Variants in CNTNAP4 observed in about 807,000 individuals in gnomAD.
CNTNAP4 encodes the protein contactin-associated protein-like 4.
CNTNAP4 carries 98 observed loss-of-function variants against 148.4 expected under a neutral mutation model. The observed-to-expected ratio is 0.66, with a 90% CI of 0.56 to 0.78. The LOEUF (loss-of-function observed/expected upper bound fraction) is 0.78. Ranked by LOEUF, CNTNAP4 falls within the 30% of genes least tolerant of loss-of-function variation. The pLI, the probability that CNTNAP4 is intolerant of heterozygous loss-of-function variation, is 0.00. For synonymous variants in CNTNAP4, 730 were observed against 565.1 expected (o/e 1.29, Z -4.14); for missense variants, 1,935 against 1,565.6 (o/e 1.24, Z -3.98).
Position 76,514,820 on chromosome 16 carries a change from A to G in CNTNAP4, c.2366-6320A>G, listed in dbSNP as rs952349214. On this transcript the variant is annotated intron_variant, in intron 15 of 23. Coordinates refer to ENST00000611870, the MANE Select transcript of CNTNAP4 (RefSeq NM_033401.5). ...GGTTATTGTGTTCTGATAATATAAC[A>G]TATAATTTAATCTTAGAATTTTATT... Among the ~76,000 whole-genome samples the G allele has an allele frequency of 2.6e-5, 4 of 152,252 alleles. No individual in the cohort carries two copies. In the South Asian group the frequency reaches 6.2e-4, roughly 24 times the overall value.
intron 3 of CNTNAP4, among the ~76,000 whole-genome samples, chr16:76,366,190 G>A (rs1459906757): frequency 2.0e-5 from 3 of 152,030 alleles, no homozygotes; most frequent in Non-Finnish European, 4.4e-5. Context: ...CAGGTTTGTT[G>A]TATAGTTAAA....
chr16:76,332,946 G>C (rs1358295313), intron 2 of CNTNAP4, among the ~76,000 whole-genome samples: 2 of 152,140 alleles, frequency 1.3e-5, no homozygotes. Context: ...GTCAGGTGAC[G>C]GACTGACCAG....
chr16:76,463,202 T>C (rs1428624059), intron 9 of CNTNAP4, among the ~76,000 whole-genome samples: 1 of 152,194 alleles, frequency 6.6e-6, no homozygotes, highest in Non-Finnish European at 1.5e-5. Flanking sequence ...ATTCTTTTAA[T>C]AAATAGTAAG....
chr16:76,291,347 C>T (rs538881817), intron 1 of CNTNAP4, among the ~76,000 whole-genome samples: 1 of 152,148 alleles, frequency 6.6e-6, no homozygotes, highest in Non-Finnish European at 1.5e-5. Flanking sequence ...CATTCTCATC[C>T]ATCAGCCACC....
chr16:76,528,030 C>T (rs948757669), intron 17 of CNTNAP4, among the ~76,000 whole-genome samples: 1 of 151,780 alleles, frequency 6.6e-6, no homozygotes, highest in Non-Finnish European at 1.5e-5. Context: ...TTTGGTAGAA[C>T]CCTATTGTGG....
chr16:76,417,333 T>A (rs1483886288), intron 3 of CNTNAP4, among the ~76,000 whole-genome samples: 3 of 151,466 alleles, frequency 2.0e-5, no homozygotes, highest in Non-Finnish European at 4.4e-5. Context: ...TTTTTATGAT[T>A]CTATTTTATC....
intron 9 of CNTNAP4, among the ~76,000 whole-genome samples, chr16:76,465,618 T>G (rs4519357): frequency 0.95 from 144,731 of 152,228 alleles, 69,062 homozygotes; most frequent in East Asian, 1. Flanking sequence ...AAAATATTAT[T>G]GAACTATTAT....
chr16:76,311,656 A>G (rs1961127024), intron 1 of CNTNAP4, among the ~76,000 whole-genome samples: 1 of 152,248 alleles, frequency 6.6e-6, no homozygotes, highest in African/African-American at 2.4e-5. Context: ...ATGTTGGATA[A>G]GCATGGAGTA....
intron 15 of CNTNAP4, among the ~76,000 whole-genome samples, chr16:76,500,393 C>A (rs1214619312): frequency 6.6e-6 from 1 of 152,232 alleles, no homozygotes; most frequent in Non-Finnish European, 1.5e-5. Context: ...GAGAAAGAAA[C>A]CACTGGGCAT....
chr16:76,532,245 A>G (rs1471658771), intron 17 of CNTNAP4, among the ~76,000 whole-genome samples: 1 of 152,210 alleles, frequency 6.6e-6, no homozygotes, highest in Non-Finnish European at 1.5e-5. Flanking sequence ...TTTACCAGAT[A>G]GTGGTGTGAA....
intron 1 of CNTNAP4, among the ~76,000 whole-genome samples, chr16:76,298,663 T>A (rs1432051861): frequency 6.6e-6 from 1 of 151,968 alleles, no homozygotes; most frequent in African/African-American, 2.4e-5. Flanking sequence ...AGTAATGGGG[T>A]GGCTGCAGCC....
intron 4 of CNTNAP4, among the ~76,000 whole-genome samples, chr16:76,439,976 A>T (rs1239136988): frequency 2.6e-5 from 4 of 152,268 alleles, no homozygotes; most frequent in South Asian, 4.1e-4. Flanking sequence ...ATATTTCACT[A>T]TATAATAGTT....
chr16:76,343,557 G>T (rs1005738140), intron 2 of CNTNAP4, among the ~76,000 whole-genome samples: 5 of 152,032 alleles, frequency 3.3e-5, no homozygotes, highest in African/African-American at 1.2e-4. Flanking sequence ...TAAATCTCGG[G>T]TTAGGAGATA....
chr16:76,292,694 C>A (rs1438908778), intron 1 of CNTNAP4, among the ~76,000 whole-genome samples: 1 of 149,210 alleles, frequency 6.7e-6, no homozygotes, highest in African/African-American at 2.5e-5. Context: ...TTTCTGTCTT[C>A]CTTATCAAAA....
chr16:76,458,672 G>C (rs1409186590), intron 8 of CNTNAP4, among the ~76,000 whole-genome samples: 1 of 152,152 alleles, frequency 6.6e-6, no homozygotes, highest in Non-Finnish European at 1.5e-5. Context: ...TAATGCAAGT[G>C]ATAGGAGCAG....
intron 2 of CNTNAP4, among the ~76,000 whole-genome samples, chr16:76,319,685 C>T (rs1270204750): frequency 6.6e-6 from 1 of 152,004 alleles, no homozygotes; most frequent in South Asian, 2.1e-4. Flanking sequence ...ACAGGAAAGA[C>T]AGAGTAGACC....
chr16:76,522,694 TTC>T lies in CNTNAP4; in HGVS notation c.2755+439_2755+440del, dbSNP rs752685186. ...TCTTTCTCTCTTTCTCTCCTTTCTT[TTC>T]TTTTCTTTTCTTTTCTTTTCTTTTC... is the stretch of plus-strand genomic sequence containing the variant. On this transcript the variant is annotated intron_variant, in intron 17 of 23. Coordinates refer to ENST00000611870, the MANE Select transcript of CNTNAP4 (RefSeq NM_033401.5). 3.5e-4 allele frequency among the ~76,000 whole-genome samples: 6 copies of T among 17,320 alleles called. 1 individual carries two copies. Among genetic ancestry groups the T allele is most frequent in the Admixed American group, 1.9e-3 (3 of 1,598 alleles). 11.4% of individuals were successfully genotyped at this position (17,320 alleles called of 152,430 possible). A position where few individuals can be genotyped will look rare whatever the true frequency, so the allele number is the denominator to read the frequency against.
rs569256899 is a variant in CNTNAP4, at chr16:76,316,299, A to G, written c.86-114A>G. 8.5e-5 allele frequency: 63 copies of G among 738,728 alleles called. No homozygotes were observed. The African/African-American group carries it at 1.1e-3, about 12-fold the overall frequency. The allele number at this position is 738,728 out of a possible 1,614,324, so 45.8% of individuals were successfully genotyped here. A position where few individuals can be genotyped will look rare whatever the true frequency, so the allele number is the denominator to read the frequency against. On this transcript the variant is annotated intron_variant, in intron 1 of 23. Coordinates refer to ENST00000611870, the MANE Select transcript of CNTNAP4 (RefSeq NM_033401.5). ...GGAAGTAGTAGGCATATTTTTAGAGATCTTAGATCCTAGTTTTTGATGTTG... is the reference window on the plus strand; with the variant it reads ...GGAAGTAGTAGGCATATTTTTAGAGGTCTTAGATCCTAGTTTTTGATGTTG...
chr16:76,347,761 A>G (rs935752606), intron 2 of CNTNAP4, among the ~76,000 whole-genome samples: 2 of 152,126 alleles, frequency 1.3e-5, no homozygotes, highest in Non-Finnish European at 2.9e-5. Flanking sequence ...AGTTTATTCA[A>G]AGAACAGCAA....
Sources: allele counts gnomAD v4.1 joint callset (sites outside exome capture counted in the v4.1 genomes callset), GRCh38; gene constraint gnomAD v4.1.1; transcripts MANE v1.5; gene names NCBI Gene and HGNC (gene_info 2026-07-23, HGNC 2026-07-21).